SLC9C2: variants seen among roughly 807,000 people sequenced by gnomAD.
The protein encoded by SLC9C2 is sodium/hydrogen exchanger 11.
In SLC9C2, 75 loss-of-function variants were observed where a neutral mutation model predicts 140.2. That is an observed-to-expected ratio of 0.53 (90% confidence interval 0.44 to 0.65). The LOEUF (loss-of-function observed/expected upper bound fraction) is 0.65, where lower values mean the gene tolerates loss of function less well. SLC9C2 is among the 30% of genes least tolerant of loss of function. The pLI is 0.00. For synonymous variants in SLC9C2, 375 were observed against 420.9 expected (o/e 0.89, Z 1.34); for missense variants, 1,074 against 1,331.8 (o/e 0.81, Z 3.01).
At chr1:173,587,264 G>A (rs1665904867) in intron 5 of SLC9C2, among the ~76,000 whole-genome samples, 1 of 152,094 alleles carries the variant, frequency 6.6e-6, no homozygotes, top group Non-Finnish European at 1.5e-5. Flanking sequence ...TCTAACAAGA[G>A]GTAGCAAGGC....
intron 2 of SLC9C2, 131 bp downstream of exon 2, chr1:173,601,519 G>C: frequency 6.3e-6 from 6 of 957,098 alleles, no homozygotes; most frequent in Non-Finnish European, 9.3e-6. Flanking sequence ...AAGCGAGATT[G>C]ACAGTATTCA....
chr1:173,518,914 A>G (rs1660610133), intron 22 of SLC9C2, among the ~76,000 whole-genome samples: 1 of 152,100 alleles, frequency 6.6e-6, no homozygotes, highest in Admixed American at 6.6e-5. Flanking sequence ...AGGCCCCCCC[A>G]AGATTCCTGT....
At position 173,554,737 on chromosome 1, in the gene SLC9C2, C is replaced by G; in HGVS notation, c.1293G>C (p.Lys431Asn). 6.3e-7 allele frequency: 1 copy of G among 1,599,444 alleles called. No homozygotes were observed. The highest frequency in any genetic ancestry group is 8.6e-7 in the Non-Finnish European group (1 of 1,166,776). Residue 431 changes from lysine to asparagine, a missense_variant, in exon 11 of 28, where the codon AAG becomes AAC. By Grantham distance (94) the Lys-to-Asn change is moderately conservative (BLOSUM62 0). Coordinates refer to ENST00000367714, the MANE Select transcript of SLC9C2 (RefSeq NM_178527.4). ...TGAATGAGACACATACTTTACCTAA[C>G]TTCCTGGCTGACTGAGTCATCACGT... ...NSYVMTQSARKLDLCVLSLPR... is the reference protein window; with the variant it reads ...NSYVMTQSARNLDLCVLSLPR...
intron 4 of SLC9C2, among the ~76,000 whole-genome samples, chr1:173,593,868 T>TTC (rs966343646): frequency 4.8e-4 from 73 of 152,290 alleles, no homozygotes; most frequent in Admixed American, 2.8e-3. Flanking sequence ...AGCACCTAGA[T>TTC]TCATAAAGCA....
chr1:173,524,822 G>T lies in SLC9C2; in HGVS notation c.2471C>A (p.Ser824Ter). ...KALKNLTFLC[S>*]RGIIDKHEVI... ...TTCATGCTTATCAATAATGCCTCTT[G>T]AACAAAGGAAGGTGAGATTTTTTAG... The change falls in exon 20 of 28, where the codon TCA (serine) becomes TAA (stop). Residue 824 changes from serine to a stop codon, truncating the protein, a stop_gained. Transcript: ENST00000367714. LOFTEE classifies it high-confidence loss of function. 1 of 1,614,010 alleles carries T rather than the reference G, an allele frequency of 6.2e-7. No individual in the cohort carries two copies. The highest frequency in any genetic ancestry group is 1.1e-5 in the South Asian group (1 of 91,060).
intron 26 of SLC9C2, among the ~76,000 whole-genome samples, chr1:173,504,165 G>C (rs1482556182): frequency 1.3e-5 from 2 of 152,162 alleles, no homozygotes; most frequent in Non-Finnish European, 2.9e-5. Flanking sequence ...AGCCAACTTG[G>C]AAAGGTGACC....
At chr1:173,586,621 A>G (rs1665862939) in intron 5 of SLC9C2, among the ~76,000 whole-genome samples, 1 of 152,220 alleles carries the variant, frequency 6.6e-6, no homozygotes, top group African/African-American at 2.4e-5. Flanking sequence ...AAAGACATGG[A>G]ACCAACCCAA....
intron 27 of SLC9C2, 119 bp downstream of exon 27, chr1:173,503,147 T>A (rs1379496303): frequency 1.5e-6 from 1 of 663,462 alleles, no homozygotes; most frequent in Admixed American, 3.1e-5. Context: ...TAATGAGTTG[T>A]AGCTAGGAGT....
At chr1:173,552,498 C>T (rs1663382180) in intron 11 of SLC9C2, among the ~76,000 whole-genome samples, 1 of 152,178 alleles carries the variant, frequency 6.6e-6, no homozygotes, top group African/African-American at 2.4e-5. Flanking sequence ...GGGGCTAATG[C>T]AGCTTGTGAC....
intron 5 of SLC9C2, among the ~76,000 whole-genome samples, chr1:173,584,017 T>C (rs532156503): frequency 1.3e-4 from 20 of 152,332 alleles, no homozygotes; most frequent in South Asian, 6.2e-4. Flanking sequence ...CCCAAGGTAA[T>C]TGAAAATGTA....
chr1:173,505,816 G>A lies in SLC9C2; in HGVS notation c.3226-485C>T, dbSNP rs529029504. Among the ~76,000 whole-genome samples the A allele has an allele frequency of 4.6e-5, 7 of 152,138 alleles. No individual in the cohort carries two copies. In the South Asian group the frequency reaches 8.3e-4, roughly 18 times the overall value. On this transcript the variant is annotated intron_variant, in intron 25 of 27. Coordinates refer to ENST00000367714, the MANE Select transcript of SLC9C2 (RefSeq NM_178527.4). ...TCTCATTTAATCCTCCCAATAACCCGATAAGATGGCTGCTGACCTTATCCC... is the reference window on the plus strand; with the variant it reads ...TCTCATTTAATCCTCCCAATAACCCAATAAGATGGCTGCTGACCTTATCCC...
chr1:173,509,540 T>G (rs186426539), intron 24 of SLC9C2, 28 bp downstream of exon 24: 5 of 1,473,574 alleles, frequency 3.4e-6, no homozygotes, highest in East Asian at 2.6e-5. Flanking sequence ...AAAATTCAAT[T>G]TATTAATATT....
At chr1:173,541,878 A>G (rs1202080794) in intron 13 of SLC9C2, among the ~76,000 whole-genome samples, 5 of 152,248 alleles carry the variant, frequency 3.3e-5, no homozygotes, top group Admixed American at 6.5e-5. Context: ...AGGAAAATTT[A>G]TAGCACTAAA....
chr1:173,527,050 G>C (rs1177954538), intron 18 of SLC9C2, among the ~76,000 whole-genome samples: 1 of 152,028 alleles, frequency 6.6e-6, no homozygotes, highest in Non-Finnish European at 1.5e-5. Flanking sequence ...TCTCCATGTT[G>C]GCTAGGCTGG....
intron 11 of SLC9C2, 30 bp downstream of exon 11, chr1:173,554,703 G>A (rs1017255952): frequency 1.4e-6 from 2 of 1,393,044 alleles, no homozygotes; most frequent in African/African-American, 2.8e-5. Context: ...ATTCTCCCCA[G>A]CTAATTCATG....
chr1:173,601,532 C>T, intron 2 of SLC9C2, 118 bp downstream of exon 2: 1 of 1,107,504 alleles, frequency 9.0e-7, no homozygotes, highest in Non-Finnish European at 1.3e-6. Context: ...AGTATTCACT[C>T]ATGTCTTATC....
intron 13 of SLC9C2, among the ~76,000 whole-genome samples, chr1:173,538,193 C>T (rs1035199965): frequency 5.9e-5 from 9 of 152,316 alleles, no homozygotes; most frequent in Non-Finnish European, 1.2e-4. Flanking sequence ...GCCAGGCTCT[C>T]TCTACTCTGA....
At chr1:173,531,785 G>A (rs2101987540) in intron 17 of SLC9C2, among the ~76,000 whole-genome samples, 1 of 152,152 alleles carries the variant, frequency 6.6e-6, no homozygotes, top group Admixed American at 6.5e-5. Flanking sequence ...TTAAATCTTT[G>A]TTTCATTTTA....
chr1:173,564,637 C>CTTT (rs200972272), intron 9 of SLC9C2, among the ~76,000 whole-genome samples: 1 of 119,748 alleles, frequency 8.4e-6, no homozygotes. Context: ...TTTTCCTTTT[C>CTTT]TTTTTTTTTT....
Sources: gnomAD v4.1 joint callset for allele counts (sites outside exome capture counted in the v4.1 genomes callset) on GRCh38, gnomAD v4.1.1 for gene constraint, MANE v1.5 for transcripts, NCBI Gene and HGNC (gene_info 2026-07-23, HGNC 2026-07-21) for gene names.